DENND2B: variants seen among roughly 807,000 people sequenced by gnomAD.
DENND2B encodes the protein DENN domain containing 2B, also known as DENN domain-containing protein 2B.
Under a neutral mutation model 116.0 loss-of-function variants are expected in DENND2B, and 32 were observed. The ratio of observed to expected loss-of-function variants is 0.28; its 90% CI spans 0.21 to 0.37. The LOEUF is 0.37. DENND2B is among the 10% of genes least tolerant of loss of function. The pLI is 1.00. For synonymous variants in DENND2B, 588 were observed against 583.9 expected (o/e 1.01, Z -0.10); for missense variants, 1,276 against 1,477.7 (o/e 0.86, Z 2.24).
At chr11:8,854,228 G>A (rs550048969) in intron 3 of DENND2B, among the ~76,000 whole-genome samples, 1 of 151,328 alleles carries the variant, frequency 6.6e-6, no homozygotes, top group Non-Finnish European at 1.5e-5. Flanking sequence ...TTGAGACAGG[G>A]TCTTGCTCTG....
At chr11:8,802,494 C>T (rs1013375114) in intron 1 of DENND2B, among the ~76,000 whole-genome samples, 6 of 152,130 alleles carry the variant, frequency 3.9e-5, no homozygotes, top group Admixed American at 6.5e-5. Flanking sequence ...AACCAGGGCA[C>T]GGACAAGTAA....
chr11:8,895,156 AC>A (rs2064084174), intron 1 of DENND2B, among the ~76,000 whole-genome samples: 1 of 151,966 alleles, frequency 6.6e-6, no homozygotes, highest in Admixed American at 6.6e-5. Flanking sequence ...AAGACAAAAA[AC>A]CAAACACCGC....
intron 10 of DENND2B, 66 bp from the exon 11 acceptor site, chr11:8,710,980 A>G: frequency 4.4e-6 from 7 of 1,594,504 alleles, no homozygotes; most frequent in Non-Finnish European, 6.0e-6. Flanking sequence ...CCCCAAGAAT[A>G]GGGACCGTCA....
intron 4 of DENND2B, among the ~76,000 whole-genome samples, chr11:8,823,251 C>T (rs576457855): frequency 2.6e-5 from 4 of 152,124 alleles, no homozygotes; most frequent in Non-Finnish European, 4.4e-5. Flanking sequence ...CTCTCTTGAT[C>T]TTTAAAGAAA....
intron 4 of DENND2B, 152 bp from the exon 5 acceptor site, chr11:8,718,044 T>C: frequency 1.3e-6 from 1 of 754,914 alleles, no homozygotes; most frequent in Non-Finnish European, 2.1e-6. Context: ...GCTGCCCGTC[T>C]GCAGTGGGGA....
intron 5 of DENND2B, 108 bp downstream of exon 5, chr11:8,717,633 C>T: frequency 3.0e-6 from 4 of 1,353,400 alleles, no homozygotes; most frequent in Non-Finnish European, 4.0e-6. Flanking sequence ...TTATCAAGTA[C>T]TAGTGAGGGT....
intron 3 of DENND2B, among the ~76,000 whole-genome samples, chr11:8,848,182 A>G (rs530549081): frequency 1.8e-4 from 28 of 152,354 alleles, no homozygotes; most frequent in Non-Finnish European, 3.5e-4. Flanking sequence ...TTTTACCTCC[A>G]GTGTAACAAG....
rs192322293 is a variant in DENND2B, at chr11:8,773,063, C to T, written c.-25-22338G>A. Among the ~76,000 whole-genome samples, 7 of 152,242 alleles carry T rather than the reference C, an allele frequency of 4.6e-5. No homozygotes were observed. In the East Asian group the frequency reaches 1.2e-3, roughly 25 times the overall value. On this transcript the variant is annotated intron_variant, in intron 1 of 19. Coordinates refer to ENST00000313726, the MANE Select transcript of DENND2B (RefSeq NM_213618.2). ...TTACATCTTGAGTGAAATATAATTT[C>T]ATAGGAATGTAATTCTGGAATGATC...
chr11:8,875,017 A>G (rs369172627), upstream of DENND2B, among the ~76,000 whole-genome samples: 264 of 152,272 alleles, frequency 1.7e-3, no homozygotes, highest in African/African-American at 6.0e-3. Flanking sequence ...AAAGGTGGTT[A>G]GCCTAGATGA....
intron 14 of DENND2B, among the ~76,000 whole-genome samples, chr11:8,700,614 T>C (rs2041385614): frequency 1.3e-5 from 2 of 152,182 alleles, no homozygotes; most frequent in South Asian, 4.1e-4. Context: ...TTTCCTTCAC[T>C]GCCCTCCTGT....
Position 8,702,854 on chromosome 11 carries a change from C to A in DENND2B, c.2572-134G>T. 1 of 1,066,460 alleles carries A rather than the reference C, an allele frequency of 9.4e-7. No individual in the cohort carries two copies. Among genetic ancestry groups the A allele is most frequent in the Admixed American group, 2.6e-5 (1 of 37,758 alleles). The allele number at this position is 1,066,460 out of a possible 1,614,324, so 66.1% of individuals were successfully genotyped here. ...CAGGTCTCTCGTCTACCCTGCTATG[C>A]AGTAAACCCCTCTTCTCCATCCCTC... On this transcript the variant is annotated intron_variant, in intron 13 of 19. Transcript: ENST00000313726. This position sits in a 1 kb window ranked among gnomAD's most constrained non-coding sequence, Gnocchi z 4.6.
intron 1 of DENND2B, among the ~76,000 whole-genome samples, chr11:8,888,445 A>C (rs2063986650): frequency 6.6e-6 from 1 of 152,222 alleles, no homozygotes; most frequent in Admixed American, 6.5e-5. Flanking sequence ...TCAAAGACTT[A>C]AATGCAAGAC....
At chr11:8,830,012 T>C (rs1471030663) in intron 4 of DENND2B, among the ~76,000 whole-genome samples, 1 of 152,194 alleles carries the variant, frequency 6.6e-6, no homozygotes. Context: ...CTCTGGAATA[T>C]TCTCTAGGAC....
At position 8,771,529 on chromosome 11, in the gene DENND2B, C is replaced by CAGAGAGAGAGAGAGAGAGAGAG. The variant is rs66471685; in HGVS notation, c.-25-20826_-25-20805dup. ...GAATATATATATGTGTATATATATA[C>CAGAGAGAGAGAGAGAGAGAGAG]AGAGAGAGAGAGAGAGAGAGAGAGA... On this transcript the variant is annotated intron_variant, in intron 1 of 19. Transcript: ENST00000313726. The CAGAGAGAGAGAGAGAGAGAGAG allele has an allele frequency of 1.1e-3, 119 of 107,414 alleles. 5 individuals carry two copies. Among genetic ancestry groups the CAGAGAGAGAGAGAGAGAGAGAG allele is most frequent in the African/African-American group, 3.6e-3 (82 of 22,786 alleles). 6.7% of individuals were successfully genotyped at this position (107,414 alleles called of 1,614,324 possible).
intron 5 of DENND2B, 55 bp from the exon 6 acceptor site, chr11:8,715,873 T>C (rs2044672263): frequency 5.3e-6 from 8 of 1,508,496 alleles, no homozygotes; most frequent in Middle Eastern, 2.4e-4. Context: ...CCTTGGCCAG[T>C]GTCTGTCTGC....
intron 1 of DENND2B, among the ~76,000 whole-genome samples, chr11:8,910,216 C>G (rs1296460129): frequency 6.6e-6 from 1 of 151,632 alleles, no homozygotes; most frequent in African/African-American, 2.4e-5. Context: ...GCCCCGGGGG[C>G]CAGGAACATC....
rs768228630 is a variant in DENND2B at position 8,707,747 on chromosome 11, C to T, written c.2430+30G>A. The T allele has an allele frequency of 1.1e-5, 18 of 1,583,788 alleles. No individual in the cohort carries two copies. In the South Asian group the frequency reaches 1.4e-4, roughly 12 times the overall value. ...CCTGTGGGAGCTGTCAGCTGGGGGA[C>T]GGGGAGGGAAGCCTGCCAGAGCCTC... On this transcript the variant is annotated intron_variant, in intron 12 of 19. Coordinates refer to ENST00000313726, the MANE Select transcript of DENND2B (RefSeq NM_213618.2). This position sits in a 1 kb window ranked among gnomAD's most constrained non-coding sequence, Gnocchi z 4.8.
At chr11:8,728,700 G>A (rs1294675153) in intron 3 of DENND2B, among the ~76,000 whole-genome samples, 2 of 152,112 alleles carry the variant, frequency 1.3e-5, no homozygotes, top group East Asian at 3.9e-4. Context: ...ATCTAACTCA[G>A]ATGCCCCTTC....
intron 2 of DENND2B, among the ~76,000 whole-genome samples, chr11:8,750,335 C>T (rs893805882): frequency 1.3e-5 from 2 of 152,180 alleles, no homozygotes; most frequent in African/African-American, 4.8e-5. Flanking sequence ...GCTCTCCCCA[C>T]CATGGGAAAA....
Sources: allele counts gnomAD v4.1 joint callset (sites outside exome capture counted in the v4.1 genomes callset), GRCh38; gene constraint gnomAD v4.1.1; non-coding constraint Gnocchi (gnomAD v3.1); transcripts MANE v1.5; gene names NCBI Gene and HGNC (gene_info 2026-07-23, HGNC 2026-07-21).